Variants in SPON1 observed in about 807,000 individuals in gnomAD.
SPON1 encodes spondin-1.
Under a neutral mutation model 111.7 loss-of-function variants are expected in SPON1, and 52 were observed. The observed-to-expected ratio is 0.47, with a 90% CI of 0.37 to 0.59. The LOEUF (loss-of-function observed/expected upper bound fraction) is 0.59. Among genes scored for constraint, SPON1 ranks in the 20% least tolerant of loss-of-function variants. The pLI is 0.00. For synonymous variants in SPON1, 410 were observed against 395.8 expected (o/e 1.04, Z -0.43); for missense variants, 957 against 1,068.5 (o/e 0.90, Z 1.46).
intron 7 of SPON1, among the ~76,000 whole-genome samples, chr11:14,246,104 G>A (rs1554940236): frequency 6.6e-6 from 1 of 152,210 alleles, no homozygotes; most frequent in Non-Finnish European, 1.5e-5. Context: ...AGGCAGGTAG[G>A]GGTGGGGAGA....
chr11:14,044,484 C>A (rs1848653943), intron 3 of SPON1, among the ~76,000 whole-genome samples: 1 of 151,994 alleles, frequency 6.6e-6, no homozygotes, highest in South Asian at 2.1e-4. Context: ...TGGTGGTGCG[C>A]ACCTGTAGTC....
rs967025710 is a variant in SPON1, at chr11:14,200,342, G to T, written c.826-42990G>T. 3.9e-5 allele frequency among the ~76,000 whole-genome samples: 6 copies of T among 152,110 alleles called. No individual in the cohort carries two copies. The South Asian group carries it at 1.0e-3, about 26-fold the overall frequency. On this transcript the variant is annotated intron_variant, in intron 6 of 15. Transcript: ENST00000576479. ...GAATCCGCTAACATTTGATATTTGT[G>T]GGAGGAAGGAAAGAAGTAAGAGAAG...
chr11:14,080,158 T>A (rs113815936), intron 5 of SPON1, 137 bp downstream of exon 5: 3 of 928,480 alleles, frequency 3.2e-6, no homozygotes, highest in African/African-American at 1.6e-5. Context: ...AATCCAAGTA[T>A]GTATATTAAT....
At chr11:14,007,394 GATGTTCAA>G (rs1848370442) in intron 2 of SPON1, among the ~76,000 whole-genome samples, 3 of 152,332 alleles carry the variant, frequency 2.0e-5, no homozygotes, top group African/African-American at 7.2e-5. Flanking sequence ...CTTGGAGTCT[GATGTTCAA>G]GGATAGGAAG....
intron 6 of SPON1, among the ~76,000 whole-genome samples, chr11:14,166,912 A>G (rs1190404324): frequency 6.6e-6 from 1 of 152,132 alleles, no homozygotes; most frequent in Non-Finnish European, 1.5e-5. Flanking sequence ...TTATAAAACC[A>G]TCTTTTAAAG....
At chr11:14,160,015 G>A (rs1331270971) in intron 6 of SPON1, among the ~76,000 whole-genome samples, 1 of 151,818 alleles carries the variant, frequency 6.6e-6, no homozygotes, top group Non-Finnish European at 1.5e-5. Context: ...TAACTTAATT[G>A]TACATTTTTA....
intron 6 of SPON1, among the ~76,000 whole-genome samples, chr11:14,175,755 G>A (rs782535959): frequency 2.6e-5 from 4 of 152,102 alleles, no homozygotes; most frequent in African/African-American, 4.8e-5. Flanking sequence ...CAGAAGAACC[G>A]AGTGGCTTCT....
chr11:14,085,999 G>A (rs1050298574), intron 5 of SPON1, among the ~76,000 whole-genome samples: 1 of 152,124 alleles, frequency 6.6e-6, no homozygotes, highest in Non-Finnish European at 1.5e-5. Flanking sequence ...CATTGATTTT[G>A]TATCCTGAGA....
intron 7 of SPON1, among the ~76,000 whole-genome samples, chr11:14,251,327 A>G (rs2133922388): frequency 6.6e-6 from 1 of 152,310 alleles, no homozygotes; most frequent in Middle Eastern, 3.4e-3. Context: ...CACGTTTCCC[A>G]CACCTTGAAA....
At chr11:13,991,756 G>A (rs1229550265) in intron 2 of SPON1, among the ~76,000 whole-genome samples, 2 of 152,116 alleles carry the variant, frequency 1.3e-5, no homozygotes, top group South Asian at 2.1e-4. Flanking sequence ...TTCTGATGGG[G>A]TCTTTGAGTG....
In SPON1 at chr11:14,254,672, G is replaced by A. The variant is rs1591428549; in HGVS notation, c.1035G>A (p.Lys345=). The A allele has an allele frequency of 1.2e-6, 2 of 1,614,048 alleles. No homozygotes were observed. The highest frequency in any genetic ancestry group is 1.7e-6 in the Non-Finnish European group (2 of 1,179,904). ...LCTKECGWVQ[K]VVQDLIPWDA... ...CCAAGGAATGTGGCTGGGTCCAGAA[G>A]GTGGTGCAAGACCTGATTCCCTGGG... The change falls in exon 8 of 16, where the codon AAG becomes AAA. Residue 345 remains lysine, a synonymous_variant. Coordinates refer to ENST00000576479, the MANE Select transcript of SPON1 (RefSeq NM_006108.4).
intron 4 of SPON1, among the ~76,000 whole-genome samples, chr11:14,076,032 G>A (rs1350409444): frequency 6.6e-6 from 1 of 152,170 alleles, no homozygotes; most frequent in Non-Finnish European, 1.5e-5. Context: ...CCCAGGTTCG[G>A]ATCTGCCTCT....
chr11:14,047,014 A>G (rs1848673285), intron 3 of SPON1, among the ~76,000 whole-genome samples: 2 of 152,122 alleles, frequency 1.3e-5, no homozygotes, highest in Non-Finnish European at 2.9e-5. Context: ...CCTTGTGTTT[A>G]GAAAAGCTAT....
chr11:14,227,814 GCCTCTTAATA>G (rs531339560), intron 6 of SPON1, among the ~76,000 whole-genome samples: 19 of 152,248 alleles, frequency 1.2e-4, no homozygotes, highest in South Asian at 8.3e-4. Flanking sequence ...CCAAAACCCA[GCCTCTTAATA>G]CCATGCTTTT....
At chr11:13,983,649 AT>A (rs1848161203) in intron 2 of SPON1, among the ~76,000 whole-genome samples, 1 of 152,226 alleles carries the variant, frequency 6.6e-6, no homozygotes, top group Non-Finnish European at 1.5e-5. Flanking sequence ...TAGGAACGTC[AT>A]CCCCTTTCAG....
At chr11:14,160,236 G>A (rs1486521645) in intron 6 of SPON1, among the ~76,000 whole-genome samples, 1 of 147,598 alleles carries the variant, frequency 6.8e-6, no homozygotes, top group Non-Finnish European at 1.5e-5. Context: ...TTACAGTGAG[G>A]TTACATCCTG....
chr11:13,989,314 A>G (rs889010571), intron 2 of SPON1, among the ~76,000 whole-genome samples: 1 of 152,208 alleles, frequency 6.6e-6, no homozygotes, highest in Non-Finnish European at 1.5e-5. Context: ...CATTTCTTCT[A>G]GATTTTCTAG....
At chr11:13,984,269 A>C (rs1257251135) in intron 2 of SPON1, among the ~76,000 whole-genome samples, 1 of 152,208 alleles carries the variant, frequency 6.6e-6, no homozygotes, top group African/African-American at 2.4e-5. Flanking sequence ...CAGGAAATTG[A>C]AACTAGAGAG....
At chr11:14,249,852 C>A (rs1849033819) in intron 7 of SPON1, among the ~76,000 whole-genome samples, 1 of 152,304 alleles carries the variant, frequency 6.6e-6, no homozygotes, top group Non-Finnish European at 1.5e-5. Flanking sequence ...GATGATGATG[C>A]TCCCATTTGG....
Sources: gnomAD v4.1 joint callset for allele counts (sites outside exome capture counted in the v4.1 genomes callset) on GRCh38, gnomAD v4.1.1 for gene constraint, MANE v1.5 for transcripts, NCBI Gene and HGNC (gene_info 2026-07-23, HGNC 2026-07-21) for gene names.